Variants in SLC25A48 observed in about 807,000 individuals in gnomAD.
SLC25A48 encodes CTC-321K16.1.
SLC25A48 carries 29 observed loss-of-function variants against 32.2 expected under a neutral mutation model. The ratio of observed to expected loss-of-function variants is 0.90; its 90% CI spans 0.67 to 1.23. The LOEUF (loss-of-function observed/expected upper bound fraction) is 1.23. Among genes scored for constraint, SLC25A48 ranks in the 50% most tolerant of loss-of-function variants. SLC25A48 has a pLI of 0.00. For missense variants in SLC25A48, 399 were observed against 422.7 expected, an observed-to-expected ratio of 0.94 and a Z score of 0.49; for synonymous variants, 164 against 172.3, an observed-to-expected ratio of 0.95 and a Z score of 0.38.
rs190873335 is a variant in SLC25A48, at chr5:135,641,652, G to A, written c.-521+6696G>A. 3.5e-4 allele frequency among the ~76,000 whole-genome samples: 54 copies of A among 152,274 alleles called. No homozygotes were observed. The Middle Eastern group carries it at 0.01, about 29-fold the overall frequency. ...ATTTGTCCCTTCTGGCTTGGGAAAGGGGTCATATGAATCTTATTCCCTTGC... is the reference window on the plus strand; with the variant it reads ...ATTTGTCCCTTCTGGCTTGGGAAAGAGGTCATATGAATCTTATTCCCTTGC... On this transcript the variant is annotated intron_variant, in intron 3 of 10. Coordinates refer to the SLC25A48 transcript ENST00000646290.
At chr5:135,769,617 T>C (rs1756347861) in intron 3 of SLC25A48, among the ~76,000 whole-genome samples, 1 of 151,770 alleles carries the variant, frequency 6.6e-6, no homozygotes, top group Non-Finnish European at 1.5e-5. Flanking sequence ...CCCTGTGATA[T>C]TGTTCATAAT....
At chr5:135,670,346 G>A (rs575201363) in intron 3 of SLC25A48, among the ~76,000 whole-genome samples, 123 of 152,322 alleles carry the variant, frequency 8.1e-4, no homozygotes, top group African/African-American at 2.6e-3. Context: ...CGTTGTGCAA[G>A]CTCTTTTCAG....
intron 3 of SLC25A48, among the ~76,000 whole-genome samples, chr5:135,723,380 T>TCACACACACACACACACACACA (rs138387748): frequency 0.015 from 1,675 of 111,678 alleles, 46 homozygotes; most frequent in East Asian, 0.03. Flanking sequence ...TCTCTCTCTC[T>TCACACACACACACACACACACA]CACACACACA....
intron 3 of SLC25A48, among the ~76,000 whole-genome samples, chr5:135,706,465 T>C (rs2126970459): frequency 6.6e-6 from 1 of 152,296 alleles, no homozygotes; most frequent in Non-Finnish European, 1.5e-5. Flanking sequence ...CCTCAAAGGA[T>C]TGATGGGATA....
intron 3 of SLC25A48, among the ~76,000 whole-genome samples, chr5:135,739,915 C>T (rs985674031): frequency 6.6e-6 from 1 of 152,076 alleles, no homozygotes; most frequent in East Asian, 1.9e-4. Flanking sequence ...AACATAATTA[C>T]GTGAAAGTGA....
At chr5:135,856,461 C>T (rs1760328757) in intron 4 of SLC25A48, among the ~76,000 whole-genome samples, 2 of 152,200 alleles carry the variant, frequency 1.3e-5, no homozygotes, top group Non-Finnish European at 1.5e-5. Context: ...AGCCTAGCAT[C>T]TCCTGCCCCA....
intron 1 of SLC25A48, among the ~76,000 whole-genome samples, chr5:135,590,654 T>G (rs1751501080): frequency 6.6e-6 from 1 of 152,140 alleles, no homozygotes; most frequent in Non-Finnish European, 1.5e-5. Context: ...GCTTGAACGT[T>G]TCCAGGGCTG....
intron 3 of SLC25A48, among the ~76,000 whole-genome samples, chr5:135,756,042 T>C (rs1755894166): frequency 6.6e-6 from 1 of 152,086 alleles, no homozygotes; most frequent in African/African-American, 2.4e-5. Flanking sequence ...ATATCTAGTG[T>C]CAATACATTA....
At chr5:135,603,241 C>G (rs887591188) in intron 1 of SLC25A48, among the ~76,000 whole-genome samples, 4 of 152,226 alleles carry the variant, frequency 2.6e-5, no homozygotes, top group African/African-American at 9.6e-5. Context: ...CCTCTAGGCT[C>G]CTGAGGCCAT....
chr5:135,843,768 C>G (rs748298497), intron 2 of SLC25A48, among the ~76,000 whole-genome samples: 1 of 152,196 alleles, frequency 6.6e-6, no homozygotes, highest in Non-Finnish European at 1.5e-5. Flanking sequence ...TCCAGGAAAA[C>G]AAAGAAGGCC....
chr5:135,855,713 C>G (rs1418669344), intron 4 of SLC25A48, among the ~76,000 whole-genome samples: 1 of 152,234 alleles, frequency 6.6e-6, no homozygotes, highest in Non-Finnish European at 1.5e-5. Flanking sequence ...CTGGTCTCAT[C>G]TGCACGAAGC....
chr5:135,650,434 C>A, intron 3 of SLC25A48: 1 of 456,054 alleles, frequency 2.2e-6, no homozygotes. Context: ...TGGGAGAGAG[C>A]CTCCAGACAC....
chr5:135,720,621 T>C (rs1204617483), intron 3 of SLC25A48, among the ~76,000 whole-genome samples: 3 of 152,130 alleles, frequency 2.0e-5, no homozygotes, highest in East Asian at 1.9e-4. Context: ...GCTCCCGATA[T>C]CCATCTGCCC....
chr5:135,685,543 A>G (rs147813409), intron 3 of SLC25A48, among the ~76,000 whole-genome samples: 7,140 of 150,380 alleles, frequency 0.047, 257 homozygotes, highest in African/African-American at 0.1. Flanking sequence ...AGCAATTCTC[A>G]TACCTCGGCC....
chr5:135,876,243 A>G (rs1238812204), intron 6 of SLC25A48: 2 of 138,452 alleles, frequency 1.4e-5, no homozygotes, highest in Non-Finnish European at 3.0e-5. Flanking sequence ...TTTTTATTTG[A>G]GATGTTTTTG....
intron 3 of SLC25A48, among the ~76,000 whole-genome samples, chr5:135,651,141 A>C (rs1023697629): frequency 1.2e-4 from 18 of 152,280 alleles, no homozygotes; most frequent in Middle Eastern, 3.4e-3. Context: ...AGCCTGGTCC[A>C]CCAGGCTCCT....
chr5:135,854,457 C>T (rs538018390), intron 4 of SLC25A48, among the ~76,000 whole-genome samples: 1 of 152,374 alleles, frequency 6.6e-6, no homozygotes, highest in East Asian at 1.9e-4. Context: ...GGCTCTACAT[C>T]AGCACTTGCT....
At chr5:135,859,054 C>T (rs1319487329) in intron 4 of SLC25A48, among the ~76,000 whole-genome samples, 1 of 152,162 alleles carries the variant, frequency 6.6e-6, no homozygotes, top group Non-Finnish European at 1.5e-5. Flanking sequence ...CTTTCAATTG[C>T]TCCTCAGGAA....
rs537867197 is a variant in SLC25A48 at position 135,852,839 on chromosome 5, C to T, written c.421+18C>T. The T allele has an allele frequency of 8.8e-6, 14 of 1,591,470 alleles. No homozygotes were observed. The highest frequency in any genetic ancestry group is 1.7e-5 in the Admixed American group (1 of 59,266). ...TCGGGACGGTAAGAGGCCAGGGGAG[C>T]GGAGGCTGGTGTCTGGGACTTGTGG... is the stretch of plus-strand genomic sequence containing the variant. On this transcript the variant is annotated intron_variant, in intron 4 of 7. Coordinates refer to ENST00000681962, the MANE Select transcript of SLC25A48 (RefSeq NM_001349336.2).
Sources: gnomAD v4.1 joint callset for allele counts (sites outside exome capture counted in the v4.1 genomes callset) on GRCh38, gnomAD v4.1.1 for gene constraint, MANE v1.5 for transcripts, NCBI Gene and HGNC (gene_info 2026-07-23, HGNC 2026-07-21) for gene names.